GPC5: variants seen among roughly 807,000 people sequenced by gnomAD.
The protein encoded by GPC5 is glypican-5.
In GPC5, 47 loss-of-function variants were observed where a neutral mutation model predicts 53.9. That is an observed-to-expected ratio of 0.87 (90% CI 0.69 to 1.11). The LOEUF (loss-of-function observed/expected upper bound fraction) is 1.11, where lower values mean the gene tolerates loss of function less well. Among genes scored for constraint, GPC5 ranks in the 50% most tolerant of loss-of-function variants. The pLI is 0.00. For synonymous variants in GPC5, 286 were observed against 263.3 expected (o/e 1.09, Z -0.84); for missense variants, 748 against 713.1 (o/e 1.05, Z -0.56).
chr13:92,732,548 T>G (rs1456480063), intron 7 of GPC5, among the ~76,000 whole-genome samples: 2 of 150,884 alleles, frequency 1.3e-5, no homozygotes, highest in East Asian at 3.9e-4. Context: ...TTATCCTTTT[T>G]GTAAATTTGG....
At chr13:92,565,073 T>A (rs1161063151) in intron 7 of GPC5, among the ~76,000 whole-genome samples, 1 of 152,074 alleles carries the variant, frequency 6.6e-6, no homozygotes, top group Non-Finnish European at 1.5e-5. Context: ...AATGCACTCA[T>A]TTCCCTTTTA....
chr13:92,173,325 T>A (rs1331611492), intron 7 of GPC5, among the ~76,000 whole-genome samples: 1 of 152,132 alleles, frequency 6.6e-6, no homozygotes, highest in Non-Finnish European at 1.5e-5. Flanking sequence ...GATTCTGGGT[T>A]TTTAGGAAAT....
chr13:92,257,607 A>G (rs2042736659), intron 7 of GPC5, among the ~76,000 whole-genome samples: 1 of 131,790 alleles, frequency 7.6e-6, no homozygotes, highest in Non-Finnish European at 1.5e-5. Flanking sequence ...CTGGAGTGCA[A>G]TGGTGCAATC....
chr13:92,813,578 T>C (rs538816501), intron 7 of GPC5, among the ~76,000 whole-genome samples: 11 of 152,134 alleles, frequency 7.2e-5, no homozygotes, highest in Admixed American at 3.9e-4. Flanking sequence ...ATAAATTCAG[T>C]TAACAAAATG....
chr13:91,855,001 G>T (rs1186413176), intron 5 of GPC5, among the ~76,000 whole-genome samples: 2 of 151,662 alleles, frequency 1.3e-5, no homozygotes, highest in African/African-American at 4.8e-5. Context: ...GTGAATACAT[G>T]TATTAAATAG....
At chr13:92,755,826 T>G (rs1191273419) in intron 7 of GPC5, among the ~76,000 whole-genome samples, 5 of 143,206 alleles carry the variant, frequency 3.5e-5, no homozygotes, top group African/African-American at 5.1e-5. Context: ...TCTGAAATTG[T>G]GGCAATAATC....
chr13:91,760,980 G>T (rs150584498), intron 5 of GPC5, among the ~76,000 whole-genome samples: 1 of 152,170 alleles, frequency 6.6e-6, no homozygotes, highest in Non-Finnish European at 1.5e-5. Context: ...TGAAATCCAT[G>T]TAGTCTGTAT....
At chr13:92,419,285 T>G (rs1304496833) in intron 7 of GPC5, among the ~76,000 whole-genome samples, 1 of 152,328 alleles carries the variant, frequency 6.6e-6, no homozygotes, top group African/African-American at 2.4e-5. Context: ...ATTATTTTTT[T>G]TTTCCAGCTG....
intron 7 of GPC5, among the ~76,000 whole-genome samples, chr13:92,845,453 A>G (rs1240937366): frequency 2.0e-5 from 3 of 152,120 alleles, no homozygotes; most frequent in Non-Finnish European, 2.9e-5. Flanking sequence ...CCAGGAAAAA[A>G]GTGATGTCTC....
At chr13:92,295,257 C>G (rs1219152693) in intron 7 of GPC5, among the ~76,000 whole-genome samples, 1 of 152,114 alleles carries the variant, frequency 6.6e-6, no homozygotes, top group Non-Finnish European at 1.5e-5. Context: ...AAATTTCTAT[C>G]CTGATTTCAT....
intron 6 of GPC5, among the ~76,000 whole-genome samples, chr13:92,128,377 T>C (rs942571513): frequency 5.3e-5 from 8 of 152,206 alleles, no homozygotes; most frequent in African/African-American, 1.9e-4. Context: ...GATTTACACA[T>C]TTGAGTTACC....
At chr13:91,600,326 AGAGAGAGAGAGAGAGAGAGAGAGT>A (rs559650098) in intron 2 of GPC5, among the ~76,000 whole-genome samples, 1,526 of 78,898 alleles carry the variant, frequency 0.019, 27 homozygotes, top group African/African-American at 0.096. Flanking sequence ...AGAGAGAGAG[AGAGAGAGAGAGAGAGAGAGAGAGT>A]GTGTGTGTGT....
At chr13:91,498,239 ATTTTTTT>A (rs60732957) in intron 2 of GPC5, among the ~76,000 whole-genome samples, 19 of 110,248 alleles carry the variant, frequency 1.7e-4, no homozygotes, top group South Asian at 5.8e-4. Flanking sequence ...CTACCCAAAG[ATTTTTTT>A]TTTTTTTTTT....
chr13:92,604,879 T>G (rs1566315497), intron 7 of GPC5, among the ~76,000 whole-genome samples: 1 of 152,230 alleles, frequency 6.6e-6, no homozygotes, highest in Non-Finnish European at 1.5e-5. Flanking sequence ...TACAAGCTTT[T>G]CTTTTGATCT....
At chr13:92,509,119 A>G (rs1880474939) in intron 7 of GPC5, among the ~76,000 whole-genome samples, 1 of 152,202 alleles carries the variant, frequency 6.6e-6, no homozygotes, top group Admixed American at 6.5e-5. Flanking sequence ...AAGTAATAGA[A>G]TAGTTTGATG....
Position 91,471,465 on chromosome 13 carries a change from G to A in GPC5, c.325+22543G>A, listed in dbSNP as rs141157905. Among the ~76,000 whole-genome samples, 21 of 152,176 alleles carry A rather than the reference G, an allele frequency of 1.4e-4. 1 individual carries two copies. In the East Asian group the frequency reaches 3.1e-3, roughly 22 times the overall value. On this transcript the variant is annotated intron_variant, in intron 2 of 7. Transcript: ENST00000377067. Reference sequence around the variant, plus strand: ...TTTAGTTCACTCTGGTTTATTTAACGGTGTTGCGATTGTACTGGGATATAC... The same window carrying A: ...TTTAGTTCACTCTGGTTTATTTAACAGTGTTGCGATTGTACTGGGATATAC...
At chr13:91,458,764 C>T (rs1185661499) in intron 2 of GPC5, among the ~76,000 whole-genome samples, 1 of 152,006 alleles carries the variant, frequency 6.6e-6, no homozygotes, top group African/African-American at 2.4e-5. Flanking sequence ...GTGTTTATAG[C>T]AGCACAATTT....
At chr13:91,860,866 G>A (rs1367960936) in intron 5 of GPC5, among the ~76,000 whole-genome samples, 2 of 151,824 alleles carry the variant, frequency 1.3e-5, no homozygotes, top group African/African-American at 4.8e-5. Context: ...CCATATCTTG[G>A]GTATTGTGAA....
intron 7 of GPC5, among the ~76,000 whole-genome samples, chr13:92,849,550 A>G (rs1878722293): frequency 6.6e-6 from 1 of 152,178 alleles, no homozygotes; most frequent in South Asian, 2.1e-4. Flanking sequence ...TTTTTCCTGA[A>G]GTTAATTTTT....
Sources: gnomAD v4.1 joint callset for allele counts (sites outside exome capture counted in the v4.1 genomes callset) on GRCh38, gnomAD v4.1.1 for gene constraint, MANE v1.5 for transcripts, NCBI Gene and HGNC (gene_info 2026-07-23, HGNC 2026-07-21) for gene names.